Variants in GABRA3 observed in about 807,000 individuals in gnomAD.
GABRA3 encodes gamma-aminobutyric acid receptor subunit alpha-3.
A neutral mutation model predicts 30.1 loss-of-function variants in GABRA3; 10 were observed. The observed-to-expected ratio is 0.33, with a 90% CI of 0.20 to 0.56. GABRA3 has a LOEUF of 0.56. GABRA3 is among the 20% of genes least tolerant of loss of function. The pLI is 0.89. For missense variants in GABRA3, 233 were observed against 392.0 expected (o/e 0.59, Z 3.42); for synonymous variants, 151 against 146.8 (o/e 1.03, Z -0.21).
intron 3 of GABRA3, among the ~76,000 whole-genome samples, chrX:152,292,269 A>T (rs1939434385): frequency 1.8e-5 from 2 of 111,435 alleles, no homozygotes; most frequent in Admixed American, 1.9e-4. Context: ...CGAGGAATTT[A>T]TTCATTTCTT....
chrX:152,185,010 A>G (rs1937233977), intron 9 of GABRA3, among the ~76,000 whole-genome samples: 1 of 112,177 alleles, frequency 8.9e-6, no homozygotes, highest in African/African-American at 3.2e-5. Flanking sequence ...CAGATCAAAA[A>G]TAAATCTTAA....
chrX:152,449,776 A>C (rs908744004), intron 1 of GABRA3, among the ~76,000 whole-genome samples: 5 of 112,216 alleles, frequency 4.5e-5, no homozygotes, highest in African/African-American at 1.6e-4. Flanking sequence ...TTCTGGAACC[A>C]GGTTGCCAGT....
At chrX:152,372,438 C>T (rs936624266) in intron 1 of GABRA3, among the ~76,000 whole-genome samples, 2 of 111,757 alleles carry the variant, frequency 1.8e-5, no homozygotes, top group Non-Finnish European at 3.8e-5. Context: ...ATCTCTTTGC[C>T]TCCTTATCCA....
intron 1 of GABRA3, among the ~76,000 whole-genome samples, chrX:152,423,820 G>A (rs1326474822): frequency 9.0e-6 from 1 of 110,655 alleles, no homozygotes; most frequent in African/African-American, 3.3e-5. Flanking sequence ...CAAGGATATT[G>A]GTATTACAAT....
chrX:152,376,039 G>A (rs1417327842), intron 1 of GABRA3, among the ~76,000 whole-genome samples: 1 of 112,049 alleles, frequency 8.9e-6, no homozygotes, highest in Non-Finnish European at 1.9e-5. Flanking sequence ...GAGGATTAGA[G>A]CTGTCCTCAG....
chrX:152,190,805 C>G (rs1458393910), intron 8 of GABRA3, among the ~76,000 whole-genome samples: 1 of 109,244 alleles, frequency 9.2e-6, no homozygotes, highest in Admixed American at 9.9e-5. Flanking sequence ...AAATTCAAGG[C>G]TTTATTTACA....
At chrX:152,373,317 T>C (rs1482952134) in intron 1 of GABRA3, among the ~76,000 whole-genome samples, 4 of 111,340 alleles carry the variant, frequency 3.6e-5, no homozygotes, top group African/African-American at 6.5e-5. Flanking sequence ...CCAGTGTATA[T>C]TGTTCCTCCC....
At chrX:152,193,748 C>T (rs1937351862) in intron 8 of GABRA3, among the ~76,000 whole-genome samples, 1 of 112,433 alleles carries the variant, frequency 8.9e-6, no homozygotes, top group South Asian at 3.7e-4. Context: ...CCTGGAATCC[C>T]AGCCCTTTGG....
At chrX:152,422,657 C>G (rs1310443778) in intron 1 of GABRA3, among the ~76,000 whole-genome samples, 1 of 111,140 alleles carries the variant, frequency 9.0e-6, no homozygotes, top group Non-Finnish European at 1.9e-5. Flanking sequence ...TTTATAGATA[C>G]TAGTGGTTTC....
chrX:152,345,618 C>G lies in GABRA3; in HGVS notation c.225G>C (p.Leu75=), dbSNP rs1375696245. 6 of 1,207,159 alleles carry G rather than the reference C, an allele frequency of 5.0e-6. No homozygotes were observed. Among genetic ancestry groups the G allele is most frequent in the Non-Finnish European group, 6.7e-6 (6 of 894,034 alleles). ...GTCGCAGCCGGTTGTCATAGCCGTC[C>G]AGAAGACGATCCAAGATTCTGGTGA... is the stretch of plus-strand genomic sequence containing the variant. ...TIFTRILDRL[L]DGYDNRLRPG... The change falls in exon 3 of 10, where the codon CTG becomes CTC. Residue 75 remains leucine, a synonymous_variant. Transcript: ENST00000370314.
intron 4 of GABRA3, among the ~76,000 whole-genome samples, chrX:152,261,260 T>C (rs940265807): frequency 9.0e-6 from 1 of 111,428 alleles, no homozygotes; most frequent in Admixed American, 9.5e-5. Flanking sequence ...AATCATATAA[T>C]TCCACTCCTG....
At chrX:152,402,285 TC>T (rs905479986) in intron 1 of GABRA3, among the ~76,000 whole-genome samples, 4 of 111,725 alleles carry the variant, frequency 3.6e-5, no homozygotes, top group African/African-American at 9.8e-5. Flanking sequence ...CCAATGCTTA[TC>T]CCTCCAGCCG....
chrX:152,269,611 ACAC>A (rs1938890616), intron 4 of GABRA3, among the ~76,000 whole-genome samples: 1 of 112,356 alleles, frequency 8.9e-6, no homozygotes, highest in South Asian at 3.7e-4. Flanking sequence ...TACTAAAAAA[ACAC>A]CACATCATGG....
intron 1 of GABRA3, among the ~76,000 whole-genome samples, chrX:152,409,028 T>A (rs1375940769): frequency 9.0e-6 from 1 of 111,578 alleles, no homozygotes; most frequent in Admixed American, 9.5e-5. Context: ...TGCAGAAGAA[T>A]GAAATTCAAC....
At chrX:152,316,158 G>A (rs6526097) in intron 3 of GABRA3, among the ~76,000 whole-genome samples, 19,079 of 109,435 alleles carry the variant, frequency 0.17, 1,334 homozygotes, top group African/African-American at 0.25. Context: ...AGGCATCCAT[G>A]ACTGAGAGAC....
At chrX:152,365,072 C>T (rs970815680) in intron 1 of GABRA3, among the ~76,000 whole-genome samples, 3 of 111,651 alleles carry the variant, frequency 2.7e-5, no homozygotes, top group East Asian at 2.8e-4. Context: ...CCTTGGTTAA[C>T]TGTGTAATAT....
intron 1 of GABRA3, among the ~76,000 whole-genome samples, chrX:152,405,150 T>C (rs1232568942): frequency 9.3e-6 from 1 of 107,737 alleles, no homozygotes; most frequent in Non-Finnish European, 1.9e-5. Context: ...AGAGAGAGAA[T>C]CTGTGTGCTT....
At chrX:152,242,504 A>T (rs1237408119) in intron 5 of GABRA3, among the ~76,000 whole-genome samples, 3 of 112,161 alleles carry the variant, frequency 2.7e-5, no homozygotes, top group Non-Finnish European at 3.8e-5. Flanking sequence ...AAAATATTGC[A>T]TACTATATAT....
intron 3 of GABRA3, among the ~76,000 whole-genome samples, chrX:152,316,910 A>G (rs1939886367): frequency 8.9e-6 from 1 of 112,107 alleles, no homozygotes. Flanking sequence ...GAACCTCTTT[A>G]AAGCATGAGT....
Sources: allele counts gnomAD v4.1 joint callset (sites outside exome capture counted in the v4.1 genomes callset), GRCh38; gene constraint gnomAD v4.1.1; transcripts MANE v1.5; gene names NCBI Gene and HGNC (gene_info 2026-07-23, HGNC 2026-07-21).